Variants in SOX5 observed in about 807,000 individuals in gnomAD.
SOX5 encodes transcription factor SOX-5.
In SOX5, 9 loss-of-function variants were observed where a neutral mutation model predicts 92.0. The ratio of observed to expected loss-of-function variants is 0.10; its 90% confidence interval spans 0.06 to 0.17. The LOEUF is 0.17. Among genes scored for constraint, SOX5 ranks in the 10% least tolerant of loss-of-function variants. The pLI is 1.00. For synonymous variants in SOX5, 344 were observed against 336.3 expected (o/e 1.02, Z -0.25); for missense variants, 642 against 944.5 (o/e 0.68, Z 4.20).
In SOX5 at chr12:23,718,354, C is replaced by A. The variant is rs949300283; in HGVS notation, c.810+16330G>T. 2.6e-5 allele frequency among the ~76,000 whole-genome samples: 4 copies of A among 152,172 alleles called. No homozygotes were observed. In the South Asian group the frequency reaches 6.2e-4, roughly 24 times the overall value. On this transcript the variant is annotated intron_variant, in intron 6 of 14. Transcript: ENST00000451604. ...TTCCTTCATGAAGACATTTCCATTT[C>A]ATTTTGAGGCTGCAAAACTCTTAAA...
intron 4 of SOX5, among the ~76,000 whole-genome samples, chr12:24,112,187 C>G (rs953065087): frequency 6.6e-6 from 1 of 152,148 alleles, no homozygotes; most frequent in Admixed American, 6.5e-5. Context: ...TAACGAGAGC[C>G]GCCCAGTGAA....
chr12:24,251,918 C>T (rs1301362174), intron 3 of SOX5, among the ~76,000 whole-genome samples: 1 of 149,648 alleles, frequency 6.7e-6, no homozygotes, highest in African/African-American at 2.5e-5. Context: ...TTATCACAGC[C>T]CAATACACCT....
In SOX5 at chr12:23,776,764, T is replaced by G. The variant is rs146135009; in HGVS notation, c.482-21040A>C. Among the ~76,000 whole-genome samples the G allele has an allele frequency of 1.1e-3, 165 of 152,238 alleles. 2 individuals carry two copies. In the East Asian group the frequency reaches 0.03, roughly 27 times the overall value. Reference sequence around the variant, plus strand: ...GTTCACAATAGGATTCGTGTGCCTATAAGAATCTAATGCTGCTGATGATCT... The same window carrying G: ...GTTCACAATAGGATTCGTGTGCCTAGAAGAATCTAATGCTGCTGATGATCT... On this transcript the variant is annotated intron_variant, in intron 3 of 14. Coordinates refer to ENST00000451604, the MANE Select transcript of SOX5 (RefSeq NM_006940.6).
chr12:24,153,296 C>G (rs2138861440), intron 4 of SOX5, among the ~76,000 whole-genome samples: 1 of 152,234 alleles, frequency 6.6e-6, no homozygotes, highest in Non-Finnish European at 1.5e-5. Context: ...CAATGAGCTA[C>G]TCATTCTGGG....
intron 6 of SOX5, among the ~76,000 whole-genome samples, chr12:23,711,223 G>T (rs986358994): frequency 9.9e-5 from 15 of 152,284 alleles, no homozygotes; most frequent in African/African-American, 3.4e-4. Context: ...GTTACTTGAT[G>T]AAGCCTTATT....
At chr12:24,212,129 T>C (rs1362935697) in intron 4 of SOX5, among the ~76,000 whole-genome samples, 1 of 152,218 alleles carries the variant, frequency 6.6e-6, no homozygotes, top group Non-Finnish European at 1.5e-5. Flanking sequence ...TCTTACCATT[T>C]AGCTAAAAGC....
intron 6 of SOX5, among the ~76,000 whole-genome samples, chr12:23,691,215 G>T (rs1249365219): frequency 1.3e-5 from 2 of 152,166 alleles, no homozygotes; most frequent in African/African-American, 4.8e-5. Context: ...ATATGGGTGT[G>T]AAACAAGGCA....
intron 4 of SOX5, among the ~76,000 whole-genome samples, chr12:24,151,442 T>C (rs532795297): frequency 6.6e-6 from 1 of 152,258 alleles, no homozygotes; most frequent in South Asian, 2.1e-4. Context: ...TTGGGTGTTA[T>C]TGGTAACATC....
At chr12:23,994,243 A>G (rs1950836906) in intron 4 of SOX5, among the ~76,000 whole-genome samples, 1 of 152,164 alleles carries the variant, frequency 6.6e-6, no homozygotes, top group Non-Finnish European at 1.5e-5. Context: ...AATAAGTATG[A>G]TAGTAAAGGA....
intron 5 of SOX5, 27 bp from the exon 6 acceptor site, chr12:23,734,779 T>G: frequency 6.3e-7 from 1 of 1,595,184 alleles, no homozygotes; most frequent in Non-Finnish European, 8.6e-7. Flanking sequence ...CATGAGAAAT[T>G]TACAAGTATA....
rs980399176 is a variant in SOX5, at chr12:24,295,084, T to C, written c.-173-17772A>G. On this transcript the variant is annotated intron_variant, in intron 2 of 4. Coordinates refer to the SOX5 transcript ENST00000446891. ...ACATATATAGAACGTATTTATCATGTATAAGGTATATATATGAACTTACAA... is the reference window on the plus strand; with the variant it reads ...ACATATATAGAACGTATTTATCATGCATAAGGTATATATATGAACTTACAA... Among the ~76,000 whole-genome samples, 4 of 152,252 alleles carry C rather than the reference T, an allele frequency of 2.6e-5. No homozygotes were observed. In the East Asian group the frequency reaches 7.7e-4, roughly 29 times the overall value.
At chr12:24,526,571 CT>C (rs1950729520) in intron 1 of SOX5, among the ~76,000 whole-genome samples, 1 of 152,084 alleles carries the variant, frequency 6.6e-6, no homozygotes, top group Non-Finnish European at 1.5e-5. Context: ...AGATCACGAG[CT>C]GAGAATGCAG....
At chr12:24,007,842 A>C (rs13377952) in intron 4 of SOX5, among the ~76,000 whole-genome samples, 26,986 of 114,608 alleles carry the variant, frequency 0.24, 5,383 homozygotes, top group Middle Eastern at 0.4. Context: ...TATATCTTAA[A>C]TGAAGAAACA....
At chr12:24,439,052 A>G (rs780408583) in intron 1 of SOX5, among the ~76,000 whole-genome samples, 3 of 152,338 alleles carry the variant, frequency 2.0e-5, no homozygotes, top group Non-Finnish European at 4.4e-5. Context: ...TCTTAGGTTA[A>G]GAAATTGTCA....
intron 3 of SOX5, among the ~76,000 whole-genome samples, chr12:23,792,531 G>A (rs1376777067): frequency 6.8e-6 from 1 of 147,716 alleles, no homozygotes; most frequent in Non-Finnish European, 1.5e-5. Flanking sequence ...GCTGAGGCAG[G>A]AGGATTGCTT....
At chr12:23,636,884 G>A (rs1271415121) in intron 8 of SOX5, among the ~76,000 whole-genome samples, 2 of 152,130 alleles carry the variant, frequency 1.3e-5, no homozygotes. Flanking sequence ...CAAAGGCCAT[G>A]GATTTTGGAC....
At chr12:24,363,444 A>G (rs1377191385) in intron 2 of SOX5, among the ~76,000 whole-genome samples, 5 of 152,134 alleles carry the variant, frequency 3.3e-5, no homozygotes, top group African/African-American at 1.2e-4. Context: ...GTCACCATTT[A>G]CAATATTGAG....
chr12:23,957,117 T>C (rs918812012), intron 4 of SOX5, among the ~76,000 whole-genome samples: 1 of 152,214 alleles, frequency 6.6e-6, no homozygotes, highest in African/African-American at 2.4e-5. Flanking sequence ...TTTACAGTTT[T>C]AAGACTATTA....
At chr12:23,816,207 C>CTTTTTTT (rs11347313) in intron 3 of SOX5, among the ~76,000 whole-genome samples, 1 of 129,652 alleles carries the variant, frequency 7.7e-6, no homozygotes, top group Non-Finnish European at 1.6e-5. Context: ...GACAAGATTT[C>CTTTTTTT]TTTTTTTTTT....
Sources: allele counts gnomAD v4.1 joint callset (sites outside exome capture counted in the v4.1 genomes callset), GRCh38; gene constraint gnomAD v4.1.1; transcripts MANE v1.5; gene names NCBI Gene and HGNC (gene_info 2026-07-23, HGNC 2026-07-21).